THOC2: variants seen among roughly 807,000 people sequenced by gnomAD.
The protein encoded by THOC2 is THO complex 2.
THOC2 carries 10 observed loss-of-function variants against 128.4 expected under a neutral mutation model. The ratio of observed to expected loss-of-function variants is 0.08; its 90% CI spans 0.05 to 0.13. The LOEUF is 0.13. Among genes scored for constraint, THOC2 ranks in the 10% least tolerant of loss-of-function variants. The pLI is 1.00. For missense variants in THOC2, 535 were observed against 1,155.7 expected (o/e 0.46, Z 7.79); for synonymous variants, 393 against 396.9 (o/e 0.99, Z 0.12).
chrX:123,657,059 A>G (rs2048624782), intron 12 of THOC2, among the ~76,000 whole-genome samples: 1 of 111,740 alleles, frequency 8.9e-6, no homozygotes, highest in African/African-American at 3.3e-5. Context: ...AATTTTAAGA[A>G]AAAATAAAAA....
chrX:123,672,814 A>G (rs1356867528), intron 8 of THOC2, among the ~76,000 whole-genome samples: 1 of 112,303 alleles, frequency 8.9e-6, no homozygotes, highest in African/African-American at 3.2e-5. Context: ...GCAATAACTA[A>G]CTGGCCAAAT....
rs772719533 is a variant in THOC2, at chrX:123,613,717, A to G, written c.4450-9T>C. ...TCGTTGTTTGAGTGATCCTAGAACC[A>G]AGAATTGTGAACTACATTGACCAAG... is the stretch of plus-strand genomic sequence containing the variant. On this transcript the variant is annotated splice_polypyrimidine_tract_variant and intron_variant, in intron 34 of 38. Coordinates refer to ENST00000245838, the MANE Select transcript of THOC2 (RefSeq NM_001081550.2). The G allele has an allele frequency of 5.0e-6, 6 of 1,203,747 alleles. No individual in the cohort carries two copies. The highest frequency in any genetic ancestry group is 6.7e-6 in the Non-Finnish European group (6 of 890,077).
intron 12 of THOC2, among the ~76,000 whole-genome samples, chrX:123,658,501 A>G (rs1268959209): frequency 1.8e-5 from 2 of 112,077 alleles, no homozygotes; most frequent in Non-Finnish European, 3.8e-5. Flanking sequence ...ACAATGAAAT[A>G]TTATTCAGTG....
At chrX:123,660,679 T>C (rs1373672122) in intron 12 of THOC2, among the ~76,000 whole-genome samples, 1 of 112,267 alleles carries the variant, frequency 8.9e-6, no homozygotes, top group Non-Finnish European at 1.9e-5. Context: ...TTTCAGACAA[T>C]AAAAATCAAG....
intron 3 of THOC2, among the ~76,000 whole-genome samples, chrX:123,705,415 C>T (rs145159342): frequency 0.015 from 1,648 of 111,467 alleles, 29 homozygotes; most frequent in African/African-American, 0.05. Flanking sequence ...GCTCTGAACT[C>T]TGGTTATGTC....
At chrX:123,657,345 C>A (rs191473739) in intron 12 of THOC2, among the ~76,000 whole-genome samples, 7 of 110,321 alleles carry the variant, frequency 6.3e-5, no homozygotes, top group African/African-American at 2.0e-4. Context: ...AGAATTTCCC[C>A]AAACTAGTAT....
intron 38 of THOC2, among the ~76,000 whole-genome samples, chrX:123,609,438 CCT>C (rs753577553): frequency 9.8e-5 from 11 of 111,942 alleles, no homozygotes; most frequent in African/African-American, 3.6e-4. Flanking sequence ...TATAAGGCAA[CCT>C]CTCGAATCCC....
At chrX:123,651,725 G>GC (rs199787566) in intron 12 of THOC2, among the ~76,000 whole-genome samples, 3,211 of 94,629 alleles carry the variant, frequency 0.034, 68 homozygotes, top group African/African-American at 0.073. Context: ...GGACACATAC[G>GC]CCCCCCCCCC....
At chrX:123,685,589 G>A (rs771962523) in intron 8 of THOC2, among the ~76,000 whole-genome samples, 8 of 111,602 alleles carry the variant, frequency 7.2e-5, no homozygotes, top group Non-Finnish European at 1.5e-4. Context: ...TAGAATATTA[G>A]ATTTAAGAAA....
At chrX:123,667,594 C>T (rs1459093541) in intron 10 of THOC2, among the ~76,000 whole-genome samples, 2 of 110,297 alleles carry the variant, frequency 1.8e-5, no homozygotes, top group Non-Finnish European at 3.8e-5. Flanking sequence ...AAAAATTAGC[C>T]AAGTGTGGTG....
chrX:123,719,770 CAA>C (rs1290372100), intron 1 of THOC2, among the ~76,000 whole-genome samples: 4 of 76,097 alleles, frequency 5.3e-5, no homozygotes, highest in Non-Finnish European at 2.6e-5. Flanking sequence ...CCTGTCTCTA[CAA>C]AAAAAAAAAA....
intron 12 of THOC2, among the ~76,000 whole-genome samples, chrX:123,660,905 CTGT>C (rs1164990305): frequency 2.7e-5 from 3 of 111,791 alleles, no homozygotes; most frequent in Non-Finnish European, 5.6e-5. Flanking sequence ...TGGAATCAAC[CTGT>C]TAAGTGCCCA....
intron 4 of THOC2, among the ~76,000 whole-genome samples, chrX:123,698,331 G>A (rs756801353): frequency 1.8e-5 from 2 of 109,464 alleles, no homozygotes; most frequent in East Asian, 2.9e-4. Flanking sequence ...GGTGGCACAC[G>A]CCTGTAATTG....
chrX:123,620,755 C>A, intron 32 of THOC2, 152 bp downstream of exon 32: 1 of 465,665 alleles, frequency 2.1e-6, no homozygotes, highest in South Asian at 5.9e-5. Flanking sequence ...AAAAATCAGT[C>A]CACCAATATA....
At chrX:123,656,370 G>T (rs1209483973) in intron 12 of THOC2, among the ~76,000 whole-genome samples, 2 of 102,491 alleles carry the variant, frequency 2.0e-5, no homozygotes, top group African/African-American at 7.1e-5. Flanking sequence ...GAGAGAGAGA[G>T]AGGAACTTAT....
chrX:123,705,305 C>G (rs2050882444), intron 3 of THOC2, among the ~76,000 whole-genome samples: 1 of 111,467 alleles, frequency 9.0e-6, no homozygotes, highest in Non-Finnish European at 1.9e-5. Context: ...AAAAAAGAAT[C>G]AGAATCAGAT....
intron 12 of THOC2, among the ~76,000 whole-genome samples, chrX:123,650,759 T>C (rs2048321755): frequency 8.9e-6 from 1 of 112,222 alleles, no homozygotes; most frequent in Non-Finnish European, 1.9e-5. Context: ...AAGAGCTAAC[T>C]ATACTAAATA....
At chrX:123,613,820 A>G in intron 34 of THOC2, 112 bp from the exon 35 acceptor site, 1 of 763,370 alleles carries the variant, frequency 1.3e-6, no homozygotes, top group Non-Finnish European at 2.0e-6. Flanking sequence ...TATTTGCAGT[A>G]GTTTCACATA....
intron 19 of THOC2, among the ~76,000 whole-genome samples, chrX:123,634,603 C>G (rs1022207512): frequency 5.4e-5 from 6 of 111,875 alleles, no homozygotes; most frequent in African/African-American, 1.9e-4. Context: ...ATTCATATTT[C>G]ATTTTATCAG....
Sources: allele counts gnomAD v4.1 joint callset (sites outside exome capture counted in the v4.1 genomes callset), GRCh38; gene constraint gnomAD v4.1.1; transcripts MANE v1.5; gene names NCBI Gene and HGNC (gene_info 2026-07-23, HGNC 2026-07-21).